The following POLA1 variants were observed in gnomAD, a reference collection of about 807,000 sequenced individuals.
POLA1 encodes the protein DNA polymerase alpha 1, catalytic subunit.
In POLA1, 15 loss-of-function variants were observed where a neutral mutation model predicts 124.0. The ratio of observed to expected loss-of-function variants is 0.12; its 90% CI spans 0.08 to 0.19. The LOEUF (loss-of-function observed/expected upper bound fraction) is 0.19, where lower values mean the gene tolerates loss of function less well. POLA1 is among the 10% of genes least tolerant of loss of function. The pLI is 1.00. For synonymous variants in POLA1, 408 were observed against 389.4 expected (o/e 1.05, Z -0.56); for missense variants, 886 against 1,103.4 (o/e 0.80, Z 2.79).
chrX:24,925,275 C>G (rs892943857), intron 35 of POLA1, among the ~76,000 whole-genome samples: 1 of 111,615 alleles, frequency 9.0e-6, no homozygotes, highest in African/African-American at 3.3e-5. Context: ...ATGAATTTTA[C>G]ATCAATGAGA....
chrX:24,831,314 G>C (rs1046831724), intron 32 of POLA1, among the ~76,000 whole-genome samples: 3 of 111,235 alleles, frequency 2.7e-5, no homozygotes, highest in African/African-American at 9.8e-5. Context: ...GAGTACTTCA[G>C]GTATTACTTT....
intron 36 of POLA1, among the ~76,000 whole-genome samples, chrX:24,934,746 G>A (rs1053948579): frequency 9.0e-6 from 1 of 111,431 alleles, no homozygotes; most frequent in Non-Finnish European, 1.9e-5. Flanking sequence ...TTTTTGAGAC[G>A]GAGTCTCGCT....
intron 36 of POLA1, among the ~76,000 whole-genome samples, chrX:24,992,407 T>A (rs891669811): frequency 2.1e-4 from 24 of 112,491 alleles, no homozygotes; most frequent in African/African-American, 7.4e-4. Context: ...ATTGACAGAA[T>A]ATTTAATTCA....
At chrX:24,919,808 G>GTTTTTTTTTTTTTT (rs1195362180) in intron 35 of POLA1, among the ~76,000 whole-genome samples, 1 of 20,265 alleles carries the variant, frequency 4.9e-5, no homozygotes, top group Non-Finnish European at 9.4e-5. Context: ...TTTTTTTTTT[G>GTTTTTTTTTTTTTT]TTTTTTTTTT....
chrX:24,928,263 C>G (rs2047723656), intron 35 of POLA1, among the ~76,000 whole-genome samples: 1 of 111,713 alleles, frequency 9.0e-6, no homozygotes, highest in Admixed American at 9.6e-5. Context: ...AACTCCGTGG[C>G]TGACGCTTTA....
At chrX:24,811,799 C>T (rs1202140393) in intron 28 of POLA1, among the ~76,000 whole-genome samples, 1 of 111,831 alleles carries the variant, frequency 8.9e-6, no homozygotes, top group Non-Finnish European at 1.9e-5. Flanking sequence ...TACCTACATA[C>T]ATACATATAC....
At chrX:24,876,753 A>G (rs943330477) in intron 34 of POLA1, among the ~76,000 whole-genome samples, 2 of 111,231 alleles carry the variant, frequency 1.8e-5, no homozygotes, top group African/African-American at 6.5e-5. Flanking sequence ...TTTGTTGAAT[A>G]TACTGTTAAG....
intron 34 of POLA1, among the ~76,000 whole-genome samples, chrX:24,855,640 A>G (rs1179548569): frequency 8.9e-6 from 1 of 112,100 alleles, no homozygotes; most frequent in Non-Finnish European, 1.9e-5. Flanking sequence ...GGATTTGGGA[A>G]AGAAAACTAA....
chrX:24,876,030 G>T (rs1371995532), intron 34 of POLA1, among the ~76,000 whole-genome samples: 1 of 111,994 alleles, frequency 8.9e-6, no homozygotes, highest in East Asian at 2.8e-4. Flanking sequence ...AAAAAATTCT[G>T]ATAAAACTTT....
At chrX:24,700,099 T>G (rs964283645) in intron 2 of POLA1, among the ~76,000 whole-genome samples, 13 of 106,199 alleles carry the variant, frequency 1.2e-4, no homozygotes, top group African/African-American at 4.1e-4. Context: ...GCATAAATAT[T>G]GTCTAGCATC....
chrX:24,760,500 T>C (rs1395211385), intron 26 of POLA1, among the ~76,000 whole-genome samples: 2 of 112,061 alleles, frequency 1.8e-5, no homozygotes, highest in African/African-American at 6.5e-5. Context: ...AAAAACCTAC[T>C]TTTGGCAGCC....
chrX:24,821,497 C>T lies in POLA1; in HGVS notation c.3475C>T (p.Pro1159Ser). ...GGATTACCCTGATAAAAAAAGCCTA[C>T]CTCATGTACATGTTGCCCTCTGGAT... ...PQDYPDKKSL[P>S]HVHVALWINS... is the part of the protein sequence containing the mutation. The change falls in exon 31 of 37, where the codon CCT becomes TCT. Residue 1159 changes from proline (P) to serine (S), a missense_variant. Physicochemically the swap from Pro to Ser is moderately conservative, Grantham distance 74. Coordinates refer to ENST00000379068, the MANE Select transcript of POLA1 (RefSeq NM_001330360.2). The T allele has an allele frequency of 5.0e-6, 6 of 1,201,230 alleles. No individual in the cohort carries two copies. Among genetic ancestry groups the T allele is most frequent in the Non-Finnish European group, 6.8e-6 (6 of 886,357 alleles).
rs376063912 is a variant in POLA1, at chrX:24,713,232, G to C, written c.347-1322G>C. The stretch of plus-strand genomic sequence containing the variant: ...CCTGCCTCGGCCTCCCAAAGTGCTG[G>C]GATTACAGGCGTGAGCCACCGCGCC... On this transcript the variant is annotated intron_variant, in intron 4 of 36. Coordinates refer to ENST00000379068, the MANE Select transcript of POLA1 (RefSeq NM_001330360.2). Among the ~76,000 whole-genome samples the C allele has an allele frequency of 5.4e-5, 6 of 111,268 alleles. No homozygotes were observed. The East Asian group carries it at 1.1e-3, about 21-fold the overall frequency.
At chrX:24,917,585 G>A (rs932036633) in intron 35 of POLA1, among the ~76,000 whole-genome samples, 3 of 111,623 alleles carry the variant, frequency 2.7e-5, no homozygotes, top group Non-Finnish European at 5.6e-5. Flanking sequence ...TATGTTAATA[G>A]CTACCTGAAA....
At chrX:24,806,053 GTTTTTTTTTTTTTT>G (rs751012614) in intron 26 of POLA1, among the ~76,000 whole-genome samples, 2 of 35,286 alleles carry the variant, frequency 5.7e-5, no homozygotes, top group Admixed American at 4.9e-4. Context: ...GTGGTATGAG[GTTTTTTTTTTTTTT>G]TTTTTTTTTT....
chrX:24,801,968 T>TGTGTGTGTGA (rs1362163750), intron 26 of POLA1, among the ~76,000 whole-genome samples: 1 of 107,013 alleles, frequency 9.3e-6, no homozygotes, highest in African/African-American at 3.4e-5. Context: ...TGTGTGTGTG[T>TGTGTGTGTGA]GTGACATTTA....
chrX:24,829,495 G>T (rs1007695460), intron 32 of POLA1, among the ~76,000 whole-genome samples: 2 of 111,282 alleles, frequency 1.8e-5, no homozygotes, highest in African/African-American at 6.5e-5. Context: ...CTTTCCTTCT[G>T]CCCCCTTCCA....
rs2047534695 is a variant in POLA1 at position 24,916,459 on chromosome X, T to G, written c.4165-13994T>G. On this transcript the variant is annotated intron_variant, in intron 35 of 36. Coordinates refer to ENST00000379068, the MANE Select transcript of POLA1 (RefSeq NM_001330360.2). ...CTACGCCTGGCTAATTTTTGTATTA[T>G]TAGTAGACAGGGTTTCACCATGTTG... 2.7e-5 allele frequency among the ~76,000 whole-genome samples: 3 copies of G among 109,918 alleles called. No homozygotes were observed. In the South Asian group the frequency reaches 1.2e-3, roughly 44 times the overall value.
chrX:24,694,064 TG>T, intron 1 of POLA1, 60 bp downstream of exon 1: 1 of 1,043,760 alleles, frequency 9.6e-7, no homozygotes, highest in Non-Finnish European at 1.3e-6. Flanking sequence ...TTGCCGGTGG[TG>T]GGGGTTCTGA....
Sources: allele counts gnomAD v4.1 joint callset (sites outside exome capture counted in the v4.1 genomes callset), GRCh38; gene constraint gnomAD v4.1.1; transcripts MANE v1.5; gene names NCBI Gene and HGNC (gene_info 2026-07-23, HGNC 2026-07-21).